The following L3MBTL4 variants were observed in gnomAD, a reference collection of about 807,000 sequenced individuals.
L3MBTL4 encodes the protein lethal(3)malignant brain tumor-like protein 4.
L3MBTL4 carries 70 observed loss-of-function variants against 84.5 expected under a neutral mutation model. That is an observed-to-expected ratio of 0.83 (90% CI 0.68 to 1.01). L3MBTL4 has a LOEUF of 1.01. Among genes scored for constraint, L3MBTL4 ranks in the 50% least tolerant of loss-of-function variants. L3MBTL4 has a pLI of 0.00. For missense variants in L3MBTL4, 715 were observed against 754.8 expected (o/e 0.95, Z 0.62); for synonymous variants, 274 against 259.8 (o/e 1.05, Z -0.52).
intron 5 of L3MBTL4, chr18:6,259,827 AT>A (rs1312598785): frequency 1.3e-5 from 2 of 152,100 alleles, no homozygotes; most frequent in African/African-American, 2.4e-5. Flanking sequence ...TTTTGCTGTA[AT>A]TGCTTTTGAG....
intron 1 of L3MBTL4, among the ~76,000 whole-genome samples, chr18:6,314,914 G>A (rs1298181473): frequency 6.6e-6 from 1 of 152,198 alleles, no homozygotes; most frequent in Non-Finnish European, 1.5e-5. Flanking sequence ...AAGTATAGCA[G>A]CCACATGTCC....
chr18:5,967,477 A>C lies in L3MBTL4; in HGVS notation c.1614+1916T>G, dbSNP rs2052411915. Reference sequence around the variant, plus strand: ...TGCAGCCACCTCTGTTTCCCCATCAACTGAAATGGCTTCCCTTCTTTGTTT... The same window carrying C: ...TGCAGCCACCTCTGTTTCCCCATCACCTGAAATGGCTTCCCTTCTTTGTTT... On this transcript the variant is annotated intron_variant, in intron 17 of 18. Transcript: ENST00000317931. Among the ~76,000 whole-genome samples the C allele has an allele frequency of 4.6e-5, 7 of 152,312 alleles. No individual in the cohort carries two copies. The South Asian group carries it at 1.5e-3, about 32-fold the overall frequency.
chr18:6,181,612 G>A (rs572583866), intron 12 of L3MBTL4, among the ~76,000 whole-genome samples: 2 of 152,204 alleles, frequency 1.3e-5, no homozygotes, highest in African/African-American at 2.4e-5. Context: ...TTACAGGTGT[G>A]AGCCACCACA....
chr18:6,007,100 A>T (rs936398803), intron 16 of L3MBTL4, among the ~76,000 whole-genome samples: 2 of 152,164 alleles, frequency 1.3e-5, no homozygotes, highest in African/African-American at 4.8e-5. Flanking sequence ...CTGAAGCCTA[A>T]ATCAGCCAAC....
chr18:6,414,883 G>A lies in L3MBTL4; in HGVS notation c.-173C>T, dbSNP rs2056135218. The A allele has an allele frequency of 1.3e-5, 2 of 149,614 alleles. No individual in the cohort carries two copies. Among genetic ancestry groups the A allele is most frequent in the African/African-American group, 4.9e-5 (2 of 41,122 alleles). The allele number at this position is 149,614 out of a possible 1,614,324, so 9.3% of individuals were successfully genotyped here. Reference sequence around the variant, plus strand: ...CGGAGCGCGAGGTTCCGCCAGCCCAGGCTGCGGCGCCGCTGCCCCGCGGTG... The same window carrying A: ...CGGAGCGCGAGGTTCCGCCAGCCCAAGCTGCGGCGCCGCTGCCCCGCGGTG... On this transcript the variant is annotated 5_prime_UTR_variant, in exon 1 of 19. Transcript: ENST00000317931. This position sits in a 1 kb window ranked among gnomAD's most constrained non-coding sequence, Gnocchi z 5.4.
chr18:6,109,300 TTTTA>T (rs2059115383), intron 14 of L3MBTL4, among the ~76,000 whole-genome samples: 2 of 152,158 alleles, frequency 1.3e-5, no homozygotes, highest in African/African-American at 4.8e-5. Flanking sequence ...TTCCTTCTGA[TTTTA>T]TTTTTTTATA....
rs150055961 is a variant in L3MBTL4 at position 6,104,375 on chromosome 18, A to C, written c.1200-10847T>G. Among the ~76,000 whole-genome samples the C allele has an allele frequency of 5.3e-3, 805 of 152,362 alleles. 13 individuals are homozygous for C. Among genetic ancestry groups the C allele is most frequent in the African/African-American group, 0.018 (751 of 41,590 alleles). On this transcript the variant is annotated intron_variant, in intron 14 of 18. Transcript: ENST00000317931. ...TAAAGAAGATATGGTATATACATACAATGGTATATTATTAAGCCTTAATAA... is the reference window on the plus strand; with the variant it reads ...TAAAGAAGATATGGTATATACATACCATGGTATATTATTAAGCCTTAATAA...
intron 1 of L3MBTL4, among the ~76,000 whole-genome samples, chr18:6,329,408 C>T (rs774920397): frequency 4.6e-4 from 70 of 152,208 alleles, no homozygotes; most frequent in Non-Finnish European, 6.5e-4. Context: ...CCGCCTCAGC[C>T]TCCCAAAGTG....
At chr18:6,347,735 G>A (rs1418855132) in intron 1 of L3MBTL4, among the ~76,000 whole-genome samples, 1 of 151,758 alleles carries the variant, frequency 6.6e-6, no homozygotes. Flanking sequence ...ATTATTGACA[G>A]CTTTTCTTCT....
chr18:5,980,027 GCTTGTCCCTGGCACAGAAAGCTGC>G (rs1190996635), intron 16 of L3MBTL4, among the ~76,000 whole-genome samples: 2 of 152,314 alleles, frequency 1.3e-5, no homozygotes, highest in African/African-American at 4.8e-5. Context: ...TGCTCACCCT[GCTTGTCCCTGGCACAGAAAGCTGC>G]CTTGTCCCTG....
intron 4 of L3MBTL4, among the ~76,000 whole-genome samples, chr18:6,275,085 A>G (rs1268811805): frequency 6.6e-6 from 1 of 152,148 alleles, no homozygotes; most frequent in East Asian, 1.9e-4. Context: ...ATTGCAGGAG[A>G]AAGTTCAAGG....
intron 15 of L3MBTL4, among the ~76,000 whole-genome samples, chr18:6,093,113 A>G (rs1181785429): frequency 3.3e-5 from 5 of 152,236 alleles, no homozygotes; most frequent in African/African-American, 1.2e-4. Flanking sequence ...TACTGCTTAC[A>G]TACAATATGT....
intron 1 of L3MBTL4, among the ~76,000 whole-genome samples, chr18:6,331,355 C>T (rs746995322): frequency 5.3e-5 from 8 of 152,168 alleles, no homozygotes; most frequent in Non-Finnish European, 1.2e-4. Context: ...CAAGCTTGTA[C>T]TAAACATAGG....
intron 16 of L3MBTL4, among the ~76,000 whole-genome samples, chr18:6,005,136 G>T (rs1034617481): frequency 8.7e-5 from 13 of 150,134 alleles, no homozygotes; most frequent in Non-Finnish European, 4.4e-5. Context: ...TTGAAGTCAG[G>T]GGTTTGACAC....
At chr18:6,113,285 AAC>A (rs2059251511) in intron 14 of L3MBTL4, among the ~76,000 whole-genome samples, 1 of 152,182 alleles carries the variant, frequency 6.6e-6, no homozygotes. Context: ...ATTAAAGACT[AAC>A]ACATTCATTC....
intron 14 of L3MBTL4, among the ~76,000 whole-genome samples, chr18:6,114,965 G>A (rs1465072083): frequency 6.6e-6 from 1 of 152,184 alleles, no homozygotes; most frequent in East Asian, 1.9e-4. Context: ...CACAGCGGAA[G>A]GGCAGCCATG....
intron 11 of L3MBTL4, among the ~76,000 whole-genome samples, chr18:6,214,495 A>G (rs1267203450): frequency 6.6e-6 from 1 of 152,252 alleles, no homozygotes; most frequent in East Asian, 1.9e-4. Flanking sequence ...ATTGGAAACA[A>G]AAGTGTTTTG....
chr18:6,334,269 C>T (rs927388593), intron 1 of L3MBTL4, among the ~76,000 whole-genome samples: 1 of 152,074 alleles, frequency 6.6e-6, no homozygotes, highest in Non-Finnish European at 1.5e-5. Flanking sequence ...CCATCACATG[C>T]GGAATGCATG....
At chr18:6,296,231 G>T (rs1049369245) in intron 4 of L3MBTL4, among the ~76,000 whole-genome samples, 1 of 152,022 alleles carries the variant, frequency 6.6e-6, no homozygotes, top group Non-Finnish European at 1.5e-5. Context: ...CATATCCCCC[G>T]GCACCAAAAC....
Sources: allele counts gnomAD v4.1 joint callset (sites outside exome capture counted in the v4.1 genomes callset), GRCh38; gene constraint gnomAD v4.1.1; non-coding constraint Gnocchi (gnomAD v3.1); transcripts MANE v1.5; gene names NCBI Gene and HGNC (gene_info 2026-07-23, HGNC 2026-07-21).